RBFOX1: variants seen among roughly 807,000 people sequenced by gnomAD.
RBFOX1 encodes the protein RNA binding fox-1 homolog 1.
A neutral mutation model predicts 57.7 loss-of-function variants in RBFOX1; 8 were observed. The ratio of observed to expected loss-of-function variants is 0.14; its 90% CI spans 0.08 to 0.25. RBFOX1 has a LOEUF of 0.25. RBFOX1 is among the 10% of genes least tolerant of loss of function. RBFOX1 has a pLI of 1.00. For missense variants in RBFOX1, 611 were observed against 548.5 expected (o/e 1.11, Z -1.14); for synonymous variants, 326 against 222.4 (o/e 1.47, Z -4.15).
chr16:6,124,669 G>C lies in RBFOX1; in HGVS notation c.-127+104677G>C, dbSNP rs1216609630. On this transcript the variant is annotated intron_variant, in intron 1 of 15. Transcript: ENST00000550418. ...AGGCATGCACCAGCATGCCCGGCTAGTTGTTGTTGTTGTTTTTTGTTTGTT... is the reference window on the plus strand; with the variant it reads ...AGGCATGCACCAGCATGCCCGGCTACTTGTTGTTGTTGTTTTTTGTTTGTT... 2.2e-4 allele frequency among the ~76,000 whole-genome samples: 33 copies of C among 151,916 alleles called. 1 individual carries two copies. Among genetic ancestry groups the C allele is most frequent in the Non-Finnish European group, 2.9e-5 (2 of 67,946 alleles).
intron 1 of RBFOX1, among the ~76,000 whole-genome samples, chr16:6,056,478 T>C (rs1291932576): frequency 6.6e-6 from 1 of 152,220 alleles, no homozygotes; most frequent in Non-Finnish European, 1.5e-5. Context: ...ATACTGGATC[T>C]TTATCAAGGT....
intron 3 of RBFOX1, among the ~76,000 whole-genome samples, chr16:6,962,955 C>T (rs139958548): frequency 3.3e-5 from 5 of 152,206 alleles, no homozygotes; most frequent in South Asian, 2.1e-4. Flanking sequence ...TTGCTTTGAT[C>T]GCTCAGCAGT....
chr16:6,898,044 G>A (rs193119783), intron 3 of RBFOX1, among the ~76,000 whole-genome samples: 7 of 152,176 alleles, frequency 4.6e-5, no homozygotes, highest in South Asian at 2.1e-4. Flanking sequence ...CCTTTTCCTC[G>A]GTGTTTATAT....
At chr16:5,454,958 C>CCTTCCTTCCTTTCTTT (rs1567535950) in intron 1 of RBFOX1, among the ~76,000 whole-genome samples, 1 of 30,422 alleles carries the variant, frequency 3.3e-5, no homozygotes, top group East Asian at 1.1e-3. Flanking sequence ...TTCCTTCCTT[C>CCTTCCTTCCTTTCTTT]CTTTCTTTCT....
intron 3 of RBFOX1, among the ~76,000 whole-genome samples, chr16:6,921,803 T>C (rs2074520300): frequency 6.6e-6 from 1 of 151,952 alleles, no homozygotes; most frequent in Admixed American, 6.6e-5. Flanking sequence ...CACATGAACA[T>C]AATCACCATG....
At chr16:6,329,679 C>T (rs1567949247) in intron 2 of RBFOX1, among the ~76,000 whole-genome samples, 1 of 152,326 alleles carries the variant, frequency 6.6e-6, no homozygotes, top group Admixed American at 6.5e-5. Context: ...TGCCTGTAAT[C>T]CCAGCACTTT....
At chr16:5,817,383 TCG>T (rs979562405) in intron 3 of RBFOX1, among the ~76,000 whole-genome samples, 1 of 152,172 alleles carries the variant, frequency 6.6e-6, no homozygotes, top group Non-Finnish European at 1.5e-5. Context: ...GATATCCCAT[TCG>T]TGGTTGGAGT....
chr16:5,425,065 T>TTATTTATTTATCTATC lies in RBFOX1; in HGVS notation c.220-42148_220-42147insTTATTTATCTATCTAT, dbSNP rs1555514962. Among the ~76,000 whole-genome samples the TTATTTATTTATCTATC allele has an allele frequency of 1.8e-3, 126 of 68,632 alleles. 2 individuals are homozygous for TTATTTATTTATCTATC. The highest frequency in any genetic ancestry group is 4.8e-3 in the African/African-American group (102 of 21,212). 45.0% of individuals were successfully genotyped at this position (68,632 alleles called of 152,430 possible). A position where few individuals can be genotyped will look rare whatever the true frequency, so the allele number is the denominator to read the frequency against. On this transcript the variant is annotated intron_variant, in intron 1 of 2. Coordinates refer to the RBFOX1 transcript ENST00000585867. ...TCTCTCTCTCTCCTTCCTTCCTTTC[T>TTATTTATTTATCTATC]TATCTATCTATCTATCTATCTATCT...
chr16:5,448,478 C>A (rs899553424), intron 1 of RBFOX1, among the ~76,000 whole-genome samples: 2 of 152,150 alleles, frequency 1.3e-5, no homozygotes, highest in Non-Finnish European at 2.9e-5. Context: ...AGAGCATTTC[C>A]CTGAAAATTA....
intron 1 of RBFOX1, among the ~76,000 whole-genome samples, chr16:6,143,053 G>A (rs1270880283): frequency 6.6e-6 from 1 of 152,178 alleles, no homozygotes; most frequent in African/African-American, 2.4e-5. Flanking sequence ...TTAAGTGCAT[G>A]AGTTCATGAA....
intron 3 of RBFOX1, among the ~76,000 whole-genome samples, chr16:6,851,293 A>G (rs1033044001): frequency 2.0e-5 from 3 of 152,124 alleles, no homozygotes; most frequent in African/African-American, 7.2e-5. Context: ...GTGGAGTGAC[A>G]GTAGGGTGTG....
intron 3 of RBFOX1, among the ~76,000 whole-genome samples, chr16:6,817,980 C>T (rs1291774052): frequency 2.0e-5 from 3 of 152,130 alleles, no homozygotes; most frequent in African/African-American, 4.8e-5. Flanking sequence ...TAAACGCAGG[C>T]CTGCCATCCT....
chr16:6,608,683 G>T (rs955747875), intron 2 of RBFOX1, among the ~76,000 whole-genome samples: 1 of 152,172 alleles, frequency 6.6e-6, no homozygotes, highest in Non-Finnish European at 1.5e-5. Flanking sequence ...GAGGTAGAAG[G>T]ATGACTTGGG....
intron 2 of RBFOX1, among the ~76,000 whole-genome samples, chr16:6,545,264 C>A (rs1464512532): frequency 6.6e-6 from 1 of 152,154 alleles, no homozygotes; most frequent in South Asian, 2.1e-4. Context: ...TTTTAATATT[C>A]AAAACAGGTT....
At chr16:6,081,621 A>T (rs183834341) in intron 1 of RBFOX1, among the ~76,000 whole-genome samples, 1 of 152,304 alleles carries the variant, frequency 6.6e-6, no homozygotes, top group African/African-American at 2.4e-5. Context: ...CGTGAGGTTG[A>T]ACCTGGGGTT....
intron 3 of RBFOX1, among the ~76,000 whole-genome samples, chr16:6,722,221 C>G (rs2066148293): frequency 6.6e-6 from 1 of 152,328 alleles, no homozygotes; most frequent in Middle Eastern, 3.4e-3. Context: ...GAAGGAACCA[C>G]TATCCTGTTT....
intron 1 of RBFOX1, among the ~76,000 whole-genome samples, chr16:6,299,919 C>A (rs1229262599): frequency 6.6e-6 from 1 of 152,180 alleles, no homozygotes; most frequent in East Asian, 1.9e-4. Flanking sequence ...CTGTAACAAA[C>A]CTGCTTGTGT....
intron 1 of RBFOX1, among the ~76,000 whole-genome samples, chr16:6,123,115 T>C (rs1464606458): frequency 6.6e-6 from 1 of 152,160 alleles, no homozygotes; most frequent in African/African-American, 2.4e-5. Context: ...AGGCTACACC[T>C]AAAATTGCCT....
chr16:5,613,588 G>C (rs2047904812), intron 3 of RBFOX1, among the ~76,000 whole-genome samples: 1 of 152,196 alleles, frequency 6.6e-6, no homozygotes, highest in African/African-American at 2.4e-5. Context: ...AAAGACGCCA[G>C]CATGTCAAGT....
Sources: gnomAD v4.1 joint callset for allele counts (sites outside exome capture counted in the v4.1 genomes callset) on GRCh38, gnomAD v4.1.1 for gene constraint, MANE v1.5 for transcripts, NCBI Gene and HGNC (gene_info 2026-07-23, HGNC 2026-07-21) for gene names.